Variants in VPS13B observed in about 807,000 individuals in gnomAD.
The protein encoded by VPS13B is intermembrane lipid transfer protein VPS13B.
VPS13B carries 285 observed loss-of-function variants against 426.4 expected under a neutral mutation model. That is an observed-to-expected ratio of 0.67 (90% CI 0.61 to 0.74). The LOEUF (loss-of-function observed/expected upper bound fraction) is 0.74, where lower values mean the gene tolerates loss of function less well. VPS13B is among the 30% of genes least tolerant of loss of function. The pLI is 0.00. For missense variants in VPS13B, 4,537 were observed against 4,782.6 expected, an observed-to-expected ratio of 0.95 and a Z score of 1.51; for synonymous variants, 1,676 against 1,676.4, an observed-to-expected ratio of 1.00 and a Z score of 0.01.
chr8:99,285,419 G>C (rs998796704), intron 19 of VPS13B, among the ~76,000 whole-genome samples: 19 of 152,170 alleles, frequency 1.2e-4, no homozygotes, highest in African/African-American at 4.1e-4. Context: ...AAGTAAACTG[G>C]TATTCAGAGT....
chr8:99,573,067 T>C (rs192611815), intron 31 of VPS13B, among the ~76,000 whole-genome samples: 12 of 152,362 alleles, frequency 7.9e-5, no homozygotes, highest in African/African-American at 2.9e-4. Flanking sequence ...TGATGAGCAT[T>C]TTTTCACATG....
chr8:99,842,195 C>T (rs1369057850), intron 54 of VPS13B, among the ~76,000 whole-genome samples: 2 of 152,170 alleles, frequency 1.3e-5, no homozygotes, highest in Non-Finnish European at 2.9e-5. Context: ...TAAGAAATGA[C>T]TTTTAGCCCA....
At chr8:99,061,211 T>A (rs1014678800) in intron 3 of VPS13B, among the ~76,000 whole-genome samples, 4 of 152,136 alleles carry the variant, frequency 2.6e-5, no homozygotes, top group African/African-American at 9.7e-5. Context: ...TTCTATTTGA[T>A]TCATATGCTC....
chr8:99,737,168 TGGAGTGCAGGGGCGC>T (rs1186124234), intron 39 of VPS13B, among the ~76,000 whole-genome samples: 1 of 119,520 alleles, frequency 8.4e-6, no homozygotes, highest in Non-Finnish European at 1.6e-5. Flanking sequence ...TCGCCCAGGC[TGGAGTGCAGGGGCGC>T]GATCTCTGCT....
At chr8:99,217,616 A>G (rs1815459512) in intron 17 of VPS13B, among the ~76,000 whole-genome samples, 1 of 152,334 alleles carries the variant, frequency 6.6e-6, no homozygotes, top group East Asian at 1.9e-4. Context: ...TTTTGGTAAT[A>G]TAGTTTTGAA....
chr8:99,457,008 A>G (rs1818497541), intron 23 of VPS13B, among the ~76,000 whole-genome samples: 1 of 151,032 alleles, frequency 6.6e-6, no homozygotes, highest in Admixed American at 6.6e-5. Context: ...TTCTTTAGTC[A>G]GTTATGGTAA....
At chr8:99,016,440 T>C (rs1033726402) in intron 2 of VPS13B, among the ~76,000 whole-genome samples, 1 of 152,134 alleles carries the variant, frequency 6.6e-6, no homozygotes, top group African/African-American at 2.4e-5. Context: ...AACCTCATTG[T>C]AATTTTAACT....
chr8:99,679,337 T>C lies in VPS13B; in HGVS notation c.6046+17846T>C, dbSNP rs544394032. ...ACAAAATTGTTGGAGTAGTGGAATA[T>C]AGTTATCCCTTATGGTTATTACTAA... is the stretch of plus-strand genomic sequence containing the variant. On this transcript the variant is annotated intron_variant, in intron 35 of 61. Transcript: ENST00000357162. 1.4e-4 allele frequency among the ~76,000 whole-genome samples: 22 copies of C among 152,324 alleles called. No individual in the cohort carries two copies. The South Asian group carries it at 4.6e-3, about 32-fold the overall frequency.
chr8:99,663,778 C>T (rs2129790775), intron 35 of VPS13B, among the ~76,000 whole-genome samples: 1 of 152,130 alleles, frequency 6.6e-6, no homozygotes, highest in East Asian at 1.9e-4. Context: ...GTTTCACATT[C>T]GTTTTGTTTT....
chr8:99,286,944 T>A lies in VPS13B; in HGVS notation c.2824+11690T>A, dbSNP rs536180592. On this transcript the variant is annotated intron_variant, in intron 19 of 61. Transcript: ENST00000357162. ...GTTGATAATTCTGGGATAATTCTGT[T>A]GACCTTAACTTGAGTTTTACTTTTC... Among the ~76,000 whole-genome samples, 20 of 152,276 alleles carry A rather than the reference T, an allele frequency of 1.3e-4. No homozygotes were observed. In the East Asian group the frequency reaches 3.7e-3, roughly 28 times the overall value.
In VPS13B at chr8:99,817,736, G is replaced by A. The variant is rs372979537; in HGVS notation, c.8294G>A (p.Gly2765Glu). Residue 2765 changes from glycine to glutamate, a missense_variant, in exon 45 of 62, where the codon GGA (glycine) becomes GAA (glutamate). By Grantham distance (98) the Gly-to-Glu change is moderately conservative (BLOSUM62 -2). Around this residue, in one of 2 missense-constraint regions of VPS13B, gnomAD observed 4,311 missense variants for 4,474.3 expected, o/e 0.96. Transcript: ENST00000357162. ...ACGGAGCTGTGTGTGAAGGCCAAAG[G>A]AGATGAAGACTGGTCAAGAGATGTG... ...ELTELCVKAKGDEDWSRDVCL... is the reference protein window; with the variant it reads ...ELTELCVKAKEDEDWSRDVCL... 9.3e-6 allele frequency: 15 copies of A among 1,614,022 alleles called. No homozygotes were observed. The East Asian group carries it at 1.8e-4, about 19-fold the overall frequency.
At chr8:99,309,242 A>G (rs1588233646) in intron 19 of VPS13B, among the ~76,000 whole-genome samples, 2 of 152,324 alleles carry the variant, frequency 1.3e-5, no homozygotes, top group African/African-American at 2.4e-5. Context: ...AGTTTTAGAT[A>G]TGAAGTCATT....
chr8:99,233,075 C>T, intron 17 of VPS13B: 1 of 1,337,262 alleles, frequency 7.5e-7, no homozygotes, highest in Non-Finnish European at 1.1e-6. Context: ...GAGGCGACTC[C>T]CTGAGGGTAT....
At chr8:99,591,022 G>T (rs1295050091) in intron 33 of VPS13B, among the ~76,000 whole-genome samples, 5 of 152,096 alleles carry the variant, frequency 3.3e-5, no homozygotes, top group South Asian at 2.1e-4. Flanking sequence ...GGGTGCTCAT[G>T]TGTTGGGTGT....
intron 17 of VPS13B, among the ~76,000 whole-genome samples, chr8:99,269,555 C>A (rs973236511): frequency 6.6e-6 from 1 of 152,140 alleles, no homozygotes; most frequent in Non-Finnish European, 1.5e-5. Context: ...GTTATTTTGG[C>A]CTCCTTAAGT....
chr8:99,413,741 G>T lies in VPS13B; in HGVS notation c.3083-17796G>T, dbSNP rs551261050. Among the ~76,000 whole-genome samples the T allele has an allele frequency of 1.5e-3, 224 of 152,202 alleles. 1 individual carries two copies. The highest frequency in any genetic ancestry group is 5.1e-3 in the African/African-American group (213 of 41,542). On this transcript the variant is annotated intron_variant, in intron 21 of 61. Coordinates refer to ENST00000357162, the MANE Select transcript of VPS13B (RefSeq NM_152564.5). ...TCAGTTTCCATATAGCTGTGTGGTTGTGAGTGACTTTCTTAATCTTGAGTT... is the reference window on the plus strand; with the variant it reads ...TCAGTTTCCATATAGCTGTGTGGTTTTGAGTGACTTTCTTAATCTTGAGTT...
At chr8:99,373,379 CTATAATTATCTT>C (rs1029077720) in intron 19 of VPS13B, among the ~76,000 whole-genome samples, 6 of 151,354 alleles carry the variant, frequency 4.0e-5, no homozygotes, top group Admixed American at 1.3e-4. Context: ...TCAAAGCTGT[CTATAATTATCTT>C]TATTATTTTA....
At chr8:99,590,631 T>G (rs1826596978) in intron 33 of VPS13B, among the ~76,000 whole-genome samples, 2 of 152,196 alleles carry the variant, frequency 1.3e-5, no homozygotes. Context: ...TCAGTTTCCA[T>G]GTAGTTCTGT....
At chr8:99,391,434 A>G (rs140450250) in intron 20 of VPS13B, 123 bp from the exon 21 acceptor site, 37 of 1,475,596 alleles carry the variant, frequency 2.5e-5, no homozygotes, top group East Asian at 2.4e-4. Context: ...TTGATTTACA[A>G]TAATGAAGTC....
Sources: gnomAD v4.1 joint callset for allele counts (sites outside exome capture counted in the v4.1 genomes callset) on GRCh38, gnomAD v4.1.1 for gene constraint, gnomAD v4.1.1 regional missense constraint, MANE v1.5 for transcripts, NCBI Gene and HGNC (gene_info 2026-07-23, HGNC 2026-07-21) for gene names.